Variants in ASTN2 observed in about 807,000 individuals in gnomAD.
The protein encoded by ASTN2 is astrotactin 2, also known as astrotactin-2.
Under a neutral mutation model 139.8 loss-of-function variants are expected in ASTN2, and 54 were observed. That is an observed-to-expected ratio of 0.39 (90% confidence interval 0.31 to 0.48). The LOEUF is 0.48. ASTN2 is among the 20% of genes least tolerant of loss of function. The pLI, the probability that ASTN2 is intolerant of heterozygous loss-of-function variation, is 0.95. For synonymous variants in ASTN2, 756 were observed against 719.5 expected, an observed-to-expected ratio of 1.05 and a Z score of -0.81; for missense variants, 1,565 against 1,725.1, an observed-to-expected ratio of 0.91 and a Z score of 1.64.
At chr9:116,556,944 G>T (rs1852650873) in intron 19 of ASTN2, among the ~76,000 whole-genome samples, 1 of 151,930 alleles carries the variant, frequency 6.6e-6, no homozygotes, top group Non-Finnish European at 1.5e-5. Context: ...GTTTACTACT[G>T]GGTTTAACTA....
chr9:116,824,097 G>A (rs115943757), intron 11 of ASTN2, among the ~76,000 whole-genome samples: 58 of 152,276 alleles, frequency 3.8e-4, no homozygotes, highest in African/African-American at 1.3e-3. Flanking sequence ...GTGTATCTGT[G>A]TATTAACTTT....
intron 16 of ASTN2, among the ~76,000 whole-genome samples, chr9:116,712,026 A>T (rs574081671): frequency 6.2e-4 from 94 of 152,330 alleles, no homozygotes; most frequent in African/African-American, 2.2e-3. Context: ...AAGTGCTCCT[A>T]GCAAAGGTAC....
intron 4 of ASTN2, among the ~76,000 whole-genome samples, chr9:117,136,112 CAT>C (rs1829945618): frequency 6.6e-6 from 1 of 152,136 alleles, no homozygotes; most frequent in Non-Finnish European, 1.5e-5. Flanking sequence ...GACTAATAAT[CAT>C]AGCAATGATC....
intron 11 of ASTN2, among the ~76,000 whole-genome samples, chr9:116,860,576 A>G: frequency 6.6e-6 from 1 of 152,216 alleles, no homozygotes; most frequent in African/African-American, 2.4e-5. Context: ...CTTTAGCCCA[A>G]TTCACTCAGC....
chr9:116,804,290 T>A (rs1233975428), intron 13 of ASTN2, among the ~76,000 whole-genome samples: 2 of 152,096 alleles, frequency 1.3e-5, no homozygotes. Context: ...TCTTACTAGA[T>A]GATGATCTTG....
At chr9:117,167,786 A>C (rs182724621) in intron 3 of ASTN2, among the ~76,000 whole-genome samples, 3 of 152,268 alleles carry the variant, frequency 2.0e-5, no homozygotes, top group African/African-American at 7.2e-5. Flanking sequence ...CATGCACTGC[A>C]CTGGACTCTC....
chr9:117,291,681 T>C (rs1277908479), intron 1 of ASTN2, among the ~76,000 whole-genome samples, 168 bp from the exon 2 acceptor site: 2 of 152,210 alleles, frequency 1.3e-5, no homozygotes, highest in African/African-American at 4.8e-5. Flanking sequence ...CATTTATAGA[T>C]GAGTCAACTG....
At chr9:117,274,211 G>T (rs1478754134) in intron 2 of ASTN2, among the ~76,000 whole-genome samples, 14 of 152,098 alleles carry the variant, frequency 9.2e-5, no homozygotes, top group Admixed American at 9.2e-4. Context: ...ATAGCCGGAC[G>T]TGGTGACATG....
chr9:117,028,900 A>G (rs1227963493), intron 6 of ASTN2, among the ~76,000 whole-genome samples: 2 of 152,148 alleles, frequency 1.3e-5, no homozygotes, highest in African/African-American at 4.8e-5. Flanking sequence ...TGGGGCAGGG[A>G]AGAATCTTAA....
chr9:116,757,020 C>T (rs547320570), intron 13 of ASTN2, among the ~76,000 whole-genome samples: 153 of 152,322 alleles, frequency 1.0e-3, no homozygotes, highest in Non-Finnish European at 1.6e-3. Flanking sequence ...CTTCCGCCTA[C>T]AGCTCCTGCT....
At chr9:117,286,678 A>T (rs1307530570) in intron 2 of ASTN2, among the ~76,000 whole-genome samples, 1 of 152,206 alleles carries the variant, frequency 6.6e-6, no homozygotes, top group Non-Finnish European at 1.5e-5. Flanking sequence ...TTGCACCTGT[A>T]GTCAAATCAC....
At chr9:116,988,350 A>C (rs1283860386) in intron 7 of ASTN2, among the ~76,000 whole-genome samples, 1 of 152,228 alleles carries the variant, frequency 6.6e-6, no homozygotes, top group African/African-American at 2.4e-5. Flanking sequence ...GGGCTCCATA[A>C]GTATCACCTG....
chr9:116,982,734 T>C (rs2132537430), intron 7 of ASTN2, among the ~76,000 whole-genome samples: 1 of 152,108 alleles, frequency 6.6e-6, no homozygotes, highest in Middle Eastern at 3.4e-3. Flanking sequence ...CCCAGCTAAT[T>C]TTTAATTTTT....
intron 19 of ASTN2, among the ~76,000 whole-genome samples, chr9:116,605,293 G>C (rs918300001): frequency 7.2e-5 from 11 of 152,270 alleles, no homozygotes; most frequent in Admixed American, 7.2e-4. Flanking sequence ...CCTTGTATGA[G>C]GAGGTGCCGG....
At chr9:116,626,012 C>A (rs144970020) in intron 17 of ASTN2, among the ~76,000 whole-genome samples, 44 of 152,148 alleles carry the variant, frequency 2.9e-4, no homozygotes, top group Non-Finnish European at 4.6e-4. Context: ...CAGAGTCTCC[C>A]TTTGTTGCCC....
chr9:116,607,475 C>T (rs535740453), intron 19 of ASTN2, among the ~76,000 whole-genome samples: 12 of 152,128 alleles, frequency 7.9e-5, no homozygotes, highest in Middle Eastern at 3.4e-3. Flanking sequence ...GGAAGAAGGG[C>T]CTAGATCTGT....
At chr9:116,697,846 A>G in intron 16 of ASTN2, 1 of 1,614,158 alleles carries the variant, frequency 6.2e-7, no homozygotes, top group African/African-American at 1.3e-5. Context: ...CTGCGTCCCA[A>G]GCTTCTGCAC....
chr9:117,095,087 A>G (rs554774091), intron 5 of ASTN2, among the ~76,000 whole-genome samples: 2 of 152,272 alleles, frequency 1.3e-5, no homozygotes, highest in African/African-American at 4.8e-5. Flanking sequence ...GGAGAGAAGG[A>G]CCAGTTTCCC....
chr9:117,126,017 A>T (rs1829681149), intron 4 of ASTN2, among the ~76,000 whole-genome samples: 1 of 152,230 alleles, frequency 6.6e-6, no homozygotes, highest in Non-Finnish European at 1.5e-5. Context: ...TCATGGAATT[A>T]CATTAAAGGT....
Sources: allele counts gnomAD v4.1 joint callset (sites outside exome capture counted in the v4.1 genomes callset), GRCh38; gene constraint gnomAD v4.1.1; transcripts MANE v1.5; gene names NCBI Gene and HGNC (gene_info 2026-07-23, HGNC 2026-07-21).